The following CYP26A1 variants were observed in gnomAD, a reference collection of about 807,000 sequenced individuals.
CYP26A1 encodes cytochrome P450 family 26 subfamily A member 1.
A neutral mutation model predicts 47.4 loss-of-function variants in CYP26A1; 46 were observed. That is an observed-to-expected ratio of 0.97 (90% CI 0.77 to 1.24). CYP26A1 has a LOEUF of 1.24. Among genes scored for constraint, CYP26A1 ranks in the 50% most tolerant of loss-of-function variants. CYP26A1 has a pLI of 0.00. For synonymous variants in CYP26A1, 277 were observed against 263.7 expected (o/e 1.05, Z -0.49); for missense variants, 680 against 644.4 (o/e 1.06, Z -0.60).
intron 5 of CYP26A1, 129 bp downstream of exon 5, chr10:93,076,089 G>A (rs1247984965): frequency 4.5e-6 from 3 of 669,470 alleles, no homozygotes; most frequent in Non-Finnish European, 7.7e-6. Flanking sequence ...AGGGCTGCGT[G>A]GGCCAGTGGG....
chr10:93,073,647 G>A, upstream of CYP26A1: 1 of 463,454 alleles, frequency 2.2e-6, no homozygotes, highest in South Asian at 3.0e-5. Context: ...ACCTTGGATG[G>A]GGGAGGCGGG....
chr10:93,075,943 G>C lies in CYP26A1; in HGVS notation c.982G>C (p.Glu328Gln). The C allele has an allele frequency of 6.2e-7, 1 of 1,613,132 alleles. No homozygotes were observed. Among genetic ancestry groups the C allele is most frequent in the Non-Finnish European group, 8.5e-7 (1 of 1,179,046 alleles). ...LYPHVLQKVR[E>Q]ELKSKGLLCK... ...CCCACATGTTCTCCAGAAAGTGCGAGAAGAGCTGAAGAGTAAGGTAGGGAG... is the reference window on the plus strand; with the variant it reads ...CCCACATGTTCTCCAGAAAGTGCGACAAGAGCTGAAGAGTAAGGTAGGGAG... Residue 328 changes from glutamate to glutamine, a missense_variant, in exon 5 of 7, where the codon GAA becomes CAA. Transcript: ENST00000224356.
intron 4 of CYP26A1, 85 bp from the exon 5 acceptor site, chr10:93,075,741 C>T (rs1846969750): frequency 1.9e-6 from 2 of 1,052,418 alleles, no homozygotes; most frequent in African/African-American, 1.6e-5. Context: ...AGTCTTCCCT[C>T]CAGAACTCTC....
chr10:93,076,765 T>A, intron 6 of CYP26A1, 69 bp downstream of exon 6: 1 of 1,205,276 alleles, frequency 8.3e-7, no homozygotes, highest in Non-Finnish European at 1.2e-6. Flanking sequence ...CCCTATGCTG[T>A]GGCTGCAATT....
rs1285678560 is a variant in CYP26A1, at chr10:93,074,909, A to C, written c.545A>C (p.Lys182Thr). The C allele has an allele frequency of 3.7e-6, 6 of 1,613,066 alleles. No individual in the cohort carries two copies. The African/African-American group carries it at 6.7e-5, about 18-fold the overall frequency. The change falls in exon 3 of 7, where the codon AAG becomes ACG. Residue 182 changes from lysine to threonine, a missense_variant. Lys to Thr is a moderately conservative substitution (Grantham distance 78). Transcript: ENST00000224356. This position sits in a 1 kb window ranked among gnomAD's most constrained non-coding sequence, Gnocchi z 5.3. ...ERGLLVYPEV[K>T]RLMFRIAMRI... Reference sequence around the variant, plus strand: ...GGCCTCCTGGTCTACCCCGAGGTGAAGCGCCTCATGTTCCGAATCGCCATG... The same window carrying C: ...GGCCTCCTGGTCTACCCCGAGGTGACGCGCCTCATGTTCCGAATCGCCATG...
rs1157573535 is a variant in CYP26A1, at chr10:93,074,733, A to G, written c.415-46A>G. 6.6e-7 allele frequency: 1 copy of G among 1,505,286 alleles called. No homozygotes were observed. The highest frequency in any genetic ancestry group is 1.7e-4 in the Middle Eastern group (1 of 5,784). 93.2% of individuals were successfully genotyped at this position (1,505,286 alleles called of 1,614,324 possible). ...CTGGAAGGGGACGGCGGTAGACGAG[A>G]GGGGCGGATGGAGGCTTTTAACGCT... is the stretch of plus-strand genomic sequence containing the variant. On this transcript the variant is annotated intron_variant, in intron 2 of 6. Transcript: ENST00000224356. The surrounding 1 kb of genome is among the most constrained non-coding windows in gnomAD (Gnocchi z 5.3).
rs895627388 is a variant in CYP26A1, at chr10:93,074,610, G to A, written c.414+78G>A. 4 of 1,129,404 alleles carry A rather than the reference G, an allele frequency of 3.5e-6. No homozygotes were observed. Among genetic ancestry groups the A allele is most frequent in the Non-Finnish European group, 5.4e-6 (4 of 746,644 alleles). 70.0% of individuals were successfully genotyped at this position (1,129,404 alleles called of 1,614,324 possible). ...GAATTCCGGCTGATGGATGCTAGGC[G>A]CGGGCTAGCAGCTTGAGGTGGGCTA... is the stretch of plus-strand genomic sequence containing the variant. On this transcript the variant is annotated intron_variant, in intron 2 of 6. Coordinates refer to ENST00000224356, the MANE Select transcript of CYP26A1 (RefSeq NM_000783.4). This position sits in a 1 kb window ranked among gnomAD's most constrained non-coding sequence, Gnocchi z 5.3.
At chr10:93,073,751 T>C, upstream of CYP26A1, 1 of 567,714 alleles carries the variant, frequency 1.8e-6, no homozygotes, top group Non-Finnish European at 3.1e-6. Context: ...TTAAAGATTT[T>C]GGGCAGCGCC....
Position 93,074,229 on chromosome 10 carries a change from T to C in CYP26A1, c.190-79T>C. 6.5e-7 allele frequency: 1 copy of C among 1,527,656 alleles called. No individual in the cohort carries two copies. Among genetic ancestry groups the C allele is most frequent in the African/African-American group, 1.4e-5 (1 of 72,662 alleles). 94.6% of individuals were successfully genotyped at this position (1,527,656 alleles called of 1,614,324 possible). A position where few individuals can be genotyped will look rare whatever the true frequency, so the allele number is the denominator to read the frequency against. On this transcript the variant is annotated intron_variant, in intron 1 of 6. Transcript: ENST00000224356. This position sits in a 1 kb window ranked among gnomAD's most constrained non-coding sequence, Gnocchi z 5.3. ...CCCCCGGGAGGCATGCTATTGCGGC[T>C]AGGAGCAGGGCTGGCGGGAGCGCGG... is the stretch of plus-strand genomic sequence containing the variant.
Position 93,075,149 on chromosome 10 carries a change from G to C in CYP26A1, c.706G>C (p.Gly236Arg), listed in dbSNP as rs79622881. ...IDVPFSGLYR[G>R]MKARNLIHAR... ...ACCGCCGCGCGCTCTCTGCGCTCAG[G>C]GCATGAAGGCGCGGAACCTCATTCA... The change falls in exon 4 of 7, where the codon GGC (glycine) becomes CGC (arginine). Residue 236 changes from glycine to arginine, a missense_variant and splice_region_variant. Gly to Arg is a moderately radical substitution (Grantham distance 125). Transcript: ENST00000224356. 1.9e-6 allele frequency: 3 copies of C among 1,613,260 alleles called. No homozygotes were observed. The Middle Eastern group carries it at 5.0e-4, about 266-fold the overall frequency.
rs1193416386 is a variant in CYP26A1 at position 93,075,867 on chromosome 10, C to T, written c.906C>T (p.His302=). 1 of 1,610,108 alleles carries T rather than the reference C, an allele frequency of 6.2e-7. No individual in the cohort carries two copies. Among genetic ancestry groups the T allele is most frequent in the Non-Finnish European group, 8.5e-7 (1 of 1,176,360 alleles). The change falls in exon 5 of 7, where the codon CAC becomes CAT. Residue 302 remains histidine (H), a synonymous_variant. Coordinates refer to ENST00000224356, the MANE Select transcript of CYP26A1 (RefSeq NM_000783.4). ...CAACCGAACTCCTCTTTGGAGGACA[C>T]GAAACCACGGCCAGTGCAGCCACAT... ...QSSTELLFGG[H]ETTASAATSL...
Position 93,074,042 on chromosome 10 carries a change from C to T in CYP26A1, c.108C>T (p.Arg36=). 6.2e-7 allele frequency: 1 copy of T among 1,608,282 alleles called. No individual in the cohort carries two copies. The highest frequency in any genetic ancestry group is 1.3e-5 in the African/African-American group (1 of 74,876). Residue 36 remains arginine, a synonymous_variant, in exon 1 of 7, where the codon CGC becomes CGT. Transcript: ENST00000224356. The surrounding 1 kb of genome is among the most constrained non-coding windows in gnomAD (Gnocchi z 5.3). ...KLWDLYCVSG[R]DRSCALPLPP... ...GGGACCTGTACTGCGTGAGCGGCCG[C>T]GACCGCAGTTGTGCCCTCCCATTGC...
chr10:93,074,492 T>C lies in CYP26A1; in HGVS notation c.374T>C (p.Leu125Pro). Residue 125 changes from leucine (L) to proline (P), a missense_variant, in exon 2 of 7, where the codon CTC becomes CCC. Coordinates refer to ENST00000224356, the MANE Select transcript of CYP26A1 (RefSeq NM_000783.4). The surrounding 1 kb of genome is among the most constrained non-coding windows in gnomAD (Gnocchi z 5.3). The stretch of plus-strand genomic sequence containing the variant: ...CGCACCATTCTGGGATCTGGCTGCC[T>C]CTCTAACCTGCACGACTCCTCGCAC... ...SVRTILGSGC[L>P]SNLHDSSHKQ... The C allele has an allele frequency of 6.2e-7, 1 of 1,610,888 alleles. No homozygotes were observed. Among genetic ancestry groups the C allele is most frequent in the South Asian group, 1.1e-5 (1 of 91,032 alleles).
At position 93,074,418 on chromosome 10, in the gene CYP26A1, C is replaced by T; in HGVS notation, c.300C>T (p.Ile100=). ...RVMGADNVRR[I]LLGEHRLVSV... is the part of the protein sequence containing the mutation. ...TGGGCGCGGACAATGTGCGGCGCAT[C>T]TTGCTCGGAGAGCACCGGCTGGTGT... Residue 100 remains isoleucine (I), a synonymous_variant, in exon 2 of 7, where the codon ATC becomes ATT. Transcript: ENST00000224356. This position sits in a 1 kb window ranked among gnomAD's most constrained non-coding sequence, Gnocchi z 5.3. 1 of 1,612,046 alleles carries T rather than the reference C, an allele frequency of 6.2e-7. No individual in the cohort carries two copies. Among genetic ancestry groups the T allele is most frequent in the Non-Finnish European group, 8.5e-7 (1 of 1,178,684 alleles).
At chr10:93,076,030 A>G (rs1464646089) in intron 5 of CYP26A1, 70 bp downstream of exon 5, 3 of 1,256,490 alleles carry the variant, frequency 2.4e-6, no homozygotes, top group Non-Finnish European at 3.5e-6. Context: ...CCAACTTCCG[A>G]ATAAGTCAGT....
rs1391689667 is a variant in CYP26A1, at chr10:93,074,775, T to G, written c.415-4T>G. 6.2e-7 allele frequency: 1 copy of G among 1,600,106 alleles called. No homozygotes were observed. The highest frequency in any genetic ancestry group is 1.7e-5 in the Admixed American group (1 of 59,896). On this transcript the variant is annotated splice_region_variant and splice_polypyrimidine_tract_variant and intron_variant, in intron 2 of 6. Transcript: ENST00000224356. This position sits in a 1 kb window ranked among gnomAD's most constrained non-coding sequence, Gnocchi z 5.3. ...TTTAACGCTGTCCCCTCCTCGGGAC[T>G]CAGGTGATTATGCGGGCCTTCAGCC...
In CYP26A1 at chr10:93,074,046, C is replaced by G; in HGVS notation, c.112C>G (p.Arg38Gly). Residue 38 changes from arginine (R) to glycine (G), a missense_variant, in exon 1 of 7, where the codon CGC becomes GGC. Arg to Gly is a moderately radical substitution (Grantham distance 125). Coordinates refer to ENST00000224356, the MANE Select transcript of CYP26A1 (RefSeq NM_000783.4). This position sits in a 1 kb window ranked among gnomAD's most constrained non-coding sequence, Gnocchi z 5.3. ...WDLYCVSGRD[R>G]SCALPLPPGT... ...CCTGTACTGCGTGAGCGGCCGCGAC[C>G]GCAGTTGTGCCCTCCCATTGCCCCC... is the stretch of plus-strand genomic sequence containing the variant. 3 of 1,606,870 alleles carry G rather than the reference C, an allele frequency of 1.9e-6. No individual in the cohort carries two copies. Among genetic ancestry groups the G allele is most frequent in the Non-Finnish European group, 2.6e-6 (3 of 1,176,070 alleles).
In CYP26A1 at chr10:93,074,468, G is replaced by C; in HGVS notation, c.350G>C (p.Arg117Pro). The change falls in exon 2 of 7, where the codon CGC becomes CCC. Residue 117 changes from arginine to proline, a missense_variant. By Grantham distance (103) the Arg-to-Pro change is moderately radical. Coordinates refer to ENST00000224356, the MANE Select transcript of CYP26A1 (RefSeq NM_000783.4). The surrounding 1 kb of genome is among the most constrained non-coding windows in gnomAD (Gnocchi z 5.3). ...TCGGTCCACTGGCCAGCGTCGGTGCGCACCATTCTGGGATCTGGCTGCCTC... is the reference window on the plus strand; with the variant it reads ...TCGGTCCACTGGCCAGCGTCGGTGCCCACCATTCTGGGATCTGGCTGCCTC... ...LVSVHWPASV[R>P]TILGSGCLSN... 1.2e-6 allele frequency: 2 copies of C among 1,611,734 alleles called. No homozygotes were observed. The highest frequency in any genetic ancestry group is 2.2e-5 in the South Asian group (2 of 91,060).
At position 93,077,375 on chromosome 10, in the gene CYP26A1, C is replaced by G; in HGVS notation, c.*71C>G. 2 of 692,862 alleles carry G rather than the reference C, an allele frequency of 2.9e-6. 1 individual carries two copies. The highest frequency in any genetic ancestry group is 8.1e-5 in the South Asian group (2 of 24,606). The allele number at this position is 692,862 out of a possible 1,614,324, so 42.9% of individuals were successfully genotyped here. On this transcript the variant is annotated 3_prime_UTR_variant, in exon 7 of 7. Transcript: ENST00000224356. ...GAGTTTTTAAGGAGTGTTGTGTTGA[C>G]TTTATATTTAATTTCTAAATGTATA... is the stretch of plus-strand genomic sequence containing the variant.
Sources: gnomAD v4.1 joint callset for allele counts on GRCh38, gnomAD v4.1.1 for gene constraint, Gnocchi (gnomAD v3.1) non-coding constraint, MANE v1.5 for transcripts, NCBI Gene and HGNC (gene_info 2026-07-23, HGNC 2026-07-21) for gene names.